LARGE1: variants seen among roughly 807,000 people sequenced by gnomAD.
The protein encoded by LARGE1 is LARGE xylosyl- and glucuronyltransferase 1.
LARGE1 carries 43 observed loss-of-function variants against 87.6 expected under a neutral mutation model. That is an observed-to-expected ratio of 0.49 (90% CI 0.38 to 0.63). LARGE1 has a LOEUF of 0.63. LARGE1 is among the 30% of genes least tolerant of loss of function. The pLI is 0.00. For synonymous variants in LARGE1, 434 were observed against 394.6 expected (o/e 1.10, Z -1.18); for missense variants, 802 against 1,000.2 (o/e 0.80, Z 2.67).
At chr22:33,395,056 G>A (rs1369847100) in intron 7 of LARGE1, among the ~76,000 whole-genome samples, 1 of 151,744 alleles carries the variant, frequency 6.6e-6, no homozygotes, top group African/African-American at 2.4e-5. Context: ...GTGAAACCCC[G>A]TCTCTACTAA....
intron 10 of LARGE1, among the ~76,000 whole-genome samples, chr22:33,335,999 T>C (rs1938398599): frequency 6.6e-6 from 1 of 152,224 alleles, no homozygotes; most frequent in South Asian, 2.1e-4. Flanking sequence ...CTACGAATAC[T>C]TAGTGTGCAG....
chr22:33,887,306 C>T (rs2064880099), intron 1 of LARGE1, among the ~76,000 whole-genome samples: 1 of 152,176 alleles, frequency 6.6e-6, no homozygotes, highest in African/African-American at 2.4e-5. Flanking sequence ...CTAGAGAGCT[C>T]CCTCGCCCCT....
the LARGE1 span, among the ~76,000 whole-genome samples, chr22:33,080,244 A>G: frequency 6.6e-6 from 1 of 152,194 alleles, no homozygotes; most frequent in African/African-American, 2.4e-5. Flanking sequence ...TACTTGCATC[A>G]CCTCATTTAA....
intron 1 of LARGE1, among the ~76,000 whole-genome samples, chr22:33,875,951 C>G (rs538449115): frequency 1.6e-4 from 25 of 152,298 alleles, no homozygotes; most frequent in African/African-American, 6.0e-4. Flanking sequence ...GTTCCTCCTC[C>G]ACAGTTTTCC....
chr22:33,406,594 C>T (rs1030948554), intron 7 of LARGE1, among the ~76,000 whole-genome samples: 11 of 152,126 alleles, frequency 7.2e-5, no homozygotes, highest in African/African-American at 2.7e-4. Context: ...ATTCAGTCTT[C>T]GAGACGACCC....
chr22:33,614,237 T>A (rs567980004), intron 4 of LARGE1, among the ~76,000 whole-genome samples: 2 of 152,156 alleles, frequency 1.3e-5, no homozygotes, highest in South Asian at 4.1e-4. Context: ...CTAAAACATA[T>A]GCAGCACTTA....
At chr22:33,825,510 T>A (rs1375947365) in intron 1 of LARGE1, among the ~76,000 whole-genome samples, 4 of 151,930 alleles carry the variant, frequency 2.6e-5, no homozygotes, top group African/African-American at 9.7e-5. Flanking sequence ...AGCAAACATG[T>A]CCTTCTTCAC....
intron 1 of LARGE1, among the ~76,000 whole-genome samples, chr22:33,788,090 C>G (rs1338921912): frequency 6.6e-6 from 1 of 152,142 alleles, no homozygotes; most frequent in African/African-American, 2.4e-5. Flanking sequence ...TTGGCTGTGT[C>G]CTCAACCAAA....
chr22:33,318,357 G>A (rs1039013721), intron 10 of LARGE1, among the ~76,000 whole-genome samples: 3 of 152,158 alleles, frequency 2.0e-5, no homozygotes, highest in African/African-American at 7.2e-5. Flanking sequence ...GAGAACATGC[G>A]GTGTTTGGTT....
chr22:33,389,539 A>G (rs1410217556), intron 7 of LARGE1, among the ~76,000 whole-genome samples: 1 of 152,184 alleles, frequency 6.6e-6, no homozygotes, highest in Admixed American at 6.5e-5. Flanking sequence ...ACTACAACAG[A>G]ATCTGTTTTA....
intron 5 of LARGE1, among the ~76,000 whole-genome samples, chr22:33,576,954 C>T (rs938152843): frequency 6.6e-6 from 1 of 152,102 alleles, no homozygotes; most frequent in African/African-American, 2.4e-5. Flanking sequence ...ACTGTCAAGT[C>T]TTGGTGGGTT....
chr22:33,429,867 G>A (rs541573013), intron 7 of LARGE1, among the ~76,000 whole-genome samples: 1 of 152,288 alleles, frequency 6.6e-6, no homozygotes, highest in African/African-American at 2.4e-5. Flanking sequence ...CCCGCTGTGG[G>A]TTCATGGAGG....
intron 2 of LARGE1, among the ~76,000 whole-genome samples, chr22:33,659,215 T>C (rs2081054740): frequency 6.6e-6 from 1 of 152,224 alleles, no homozygotes; most frequent in Admixed American, 6.5e-5. Context: ...CAATTTTTCA[T>C]TCTCCATATG....
chr22:33,363,162 G>A (rs1004420819), intron 9 of LARGE1, among the ~76,000 whole-genome samples: 8 of 149,982 alleles, frequency 5.3e-5, no homozygotes, highest in African/African-American at 1.5e-4. Context: ...AGGAGAGGCA[G>A]GGTCCCCCTG....
intron 11 of LARGE1, among the ~76,000 whole-genome samples, chr22:33,230,288 G>A (rs1469128850): frequency 3.3e-5 from 5 of 152,032 alleles, no homozygotes; most frequent in Admixed American, 3.3e-4. Context: ...CCAAAGTGCT[G>A]TGATTACAGG....
At chr22:33,760,279 T>C (rs1034276539) in intron 2 of LARGE1, among the ~76,000 whole-genome samples, 4 of 152,156 alleles carry the variant, frequency 2.6e-5, no homozygotes, top group Admixed American at 2.6e-4. Context: ...GGCAAAACAT[T>C]GCACTGTATT....
At chr22:33,657,194 C>T (rs77486076) in intron 2 of LARGE1, 1 of 152,250 alleles carries the variant, frequency 6.6e-6, no homozygotes, top group South Asian at 2.1e-4. Context: ...GGAAAGCAAA[C>T]TCTTGCACTT....
the LARGE1 span, among the ~76,000 whole-genome samples, chr22:33,111,540 C>A: frequency 6.6e-6 from 1 of 152,282 alleles, no homozygotes; most frequent in South Asian, 2.1e-4. Flanking sequence ...TTTCCCCTAG[C>A]TGATTGGATT....
At chr22:33,484,709 C>T (rs991317481) in intron 6 of LARGE1, among the ~76,000 whole-genome samples, 5 of 152,196 alleles carry the variant, frequency 3.3e-5, no homozygotes, top group East Asian at 1.9e-4. Context: ...TGCGCCCATC[C>T]GCCAACAGGT....
Sources: allele counts gnomAD v4.1 joint callset (sites outside exome capture counted in the v4.1 genomes callset), GRCh38; gene constraint gnomAD v4.1.1; transcripts MANE v1.5; gene names NCBI Gene and HGNC (gene_info 2026-07-23, HGNC 2026-07-21).